The following DNAH3 variants were observed in gnomAD, a reference collection of about 807,000 sequenced individuals.
The protein encoded by DNAH3 is dynein axonemal heavy chain 3.
Under a neutral mutation model 432.5 loss-of-function variants are expected in DNAH3, and 332 were observed. The ratio of observed to expected loss-of-function variants is 0.77; its 90% CI spans 0.70 to 0.84. DNAH3 has a LOEUF of 0.84. Ranked by LOEUF, DNAH3 falls within the 40% of genes least tolerant of loss-of-function variation. DNAH3 has a pLI of 0.00. For synonymous variants in DNAH3, 1,956 were observed against 1,900.2 expected, an observed-to-expected ratio of 1.03 and a Z score of -0.76; for missense variants, 4,861 against 5,114.0, an observed-to-expected ratio of 0.95 and a Z score of 1.51.
chr16:21,116,409 CT>C (rs1230776237), intron 12 of DNAH3, among the ~76,000 whole-genome samples: 2 of 152,026 alleles, frequency 1.3e-5, no homozygotes, highest in African/African-American at 4.8e-5. Context: ...TTATAAGAGG[CT>C]TTTCCCTCCC....
intron 17 of DNAH3, among the ~76,000 whole-genome samples, 178 bp downstream of exon 17, chr16:21,098,438 C>CAAAAAAAA (rs57032212): frequency 1.6e-5 from 1 of 62,880 alleles, no homozygotes; most frequent in African/African-American, 5.0e-5. Flanking sequence ...GACCTTGTCT[C>CAAAAAAAA]AAAAAAAAAA....
intron 27 of DNAH3, among the ~76,000 whole-genome samples, chr16:21,055,528 T>C (rs956035194): frequency 6.6e-6 from 1 of 152,208 alleles, no homozygotes; most frequent in African/African-American, 2.4e-5. Context: ...AAATTCTTTG[T>C]ATTATATCTT....
chr16:20,933,507 C>G, exon 62 of DNAH3: 1 of 1,571,356 alleles, frequency 6.4e-7, no homozygotes. Context: ...TGTGGGGTTA[C>G]CTGGAAGAAT....
rs147448559 is a variant in DNAH3, at chr16:21,135,610, G to A, written c.886+714C>T. Among the ~76,000 whole-genome samples, 19 of 152,112 alleles carry A rather than the reference G, an allele frequency of 1.2e-4. No homozygotes were observed. In the South Asian group the frequency reaches 1.5e-3, roughly 12 times the overall value. ...CAGGAGGCTGAGGCAGGAGAATTGC[G>A]TGAACCCAGGGGTCCGCCCAGGTAG... On this transcript the variant is annotated intron_variant, in intron 6 of 61. Coordinates refer to ENST00000261383, the Ensembl canonical transcript of DNAH3.
chr16:21,012,815 G>GC (rs1324927534), intron 41 of DNAH3, among the ~76,000 whole-genome samples: 1 of 152,100 alleles, frequency 6.6e-6, no homozygotes, highest in Non-Finnish European at 1.5e-5. Flanking sequence ...AGGCTGGAGT[G>GC]CAGTGGGATG....
At chr16:21,034,996 C>T (rs1001019490) in intron 35 of DNAH3, among the ~76,000 whole-genome samples, 10 of 152,178 alleles carry the variant, frequency 6.6e-5, no homozygotes, top group African/African-American at 2.4e-4. Flanking sequence ...GTAGGGTTGA[C>T]ATTCAGGTGG....
chr16:20,945,310 G>A (rs1236656137), intron 57 of DNAH3, among the ~76,000 whole-genome samples: 1 of 152,124 alleles, frequency 6.6e-6, no homozygotes, highest in East Asian at 1.9e-4. Context: ...TCAGGAAGTT[G>A]CCCTATATAG....
chr16:21,065,562 T>C (rs958493537), intron 24 of DNAH3, among the ~76,000 whole-genome samples: 1 of 152,186 alleles, frequency 6.6e-6, no homozygotes, highest in Admixed American at 6.5e-5. Context: ...GCCTTATGTG[T>C]CAAAACCAGG....
chr16:20,944,640 A>G (rs1438399260), exon 58 of DNAH3: 1 of 1,613,910 alleles, frequency 6.2e-7, no homozygotes, highest in Non-Finnish European at 8.5e-7. Context: ...TGATGGGGAG[A>G]TTCCTGAGAT....
Position 21,069,459 on chromosome 16 carries a change from A to G in DNAH3, c.3337T>C (p.Phe1113Leu), listed in dbSNP as rs373539426. Residue 1113 changes from phenylalanine (F) to leucine (L), a missense_variant, in exon 23 of 62, where the codon TTT (phenylalanine) becomes CTT (leucine). Transcript: ENST00000261383. ...TTCCAGTAACTATCAACAATGCCAA[A>G]TTTCCTCCCCTCTTCTGGCATCTGG... is the stretch of plus-strand genomic sequence containing the variant. 6.8e-6 allele frequency: 11 copies of G among 1,613,992 alleles called. No individual in the cohort carries two copies. The African/African-American group carries it at 1.5e-4, about 22-fold the overall frequency.
intron 6 of DNAH3, among the ~76,000 whole-genome samples, chr16:21,135,284 A>C (rs772903054): frequency 6.6e-6 from 1 of 152,202 alleles, no homozygotes; most frequent in Admixed American, 6.5e-5. Flanking sequence ...CCCACCATGG[A>C]TGATACCATC....
At chr16:21,146,222 C>G (rs1297641301) in intron 1 of DNAH3, 134 bp from the exon 3 acceptor site, 2 of 611,698 alleles carry the variant, frequency 3.3e-6, no homozygotes, top group Admixed American at 2.9e-5. Flanking sequence ...AAACACTCCT[C>G]TCATTCCCAT....
chr16:21,000,516 G>A (rs776874745), exon 43 of DNAH3: 9 of 1,598,670 alleles, frequency 5.6e-6, no homozygotes, highest in Non-Finnish European at 7.7e-6. Flanking sequence ...TGAGTTCTGA[G>A]ACCTGTACCA....
At position 21,003,090 on chromosome 16, in the gene DNAH3, G is replaced by A. The variant is rs778772327; in HGVS notation, c.6126+14C>T. On this transcript the variant is annotated intron_variant, in intron 42 of 61. Transcript: ENST00000261383. ...TGGAAACCAAAGTTCCATGGCCAATGATTCTCTTTATACCTTTGCACCAGC... is the reference window on the plus strand; with the variant it reads ...TGGAAACCAAAGTTCCATGGCCAATAATTCTCTTTATACCTTTGCACCAGC... 1 of 1,541,558 alleles carries A rather than the reference G, an allele frequency of 6.5e-7. No homozygotes were observed. The highest frequency in any genetic ancestry group is 9.0e-7 in the Non-Finnish European group (1 of 1,115,694).
chr16:20,937,202 C>T (rs748092228), intron 59 of DNAH3, among the ~76,000 whole-genome samples: 2 of 151,880 alleles, frequency 1.3e-5, no homozygotes, highest in African/African-American at 2.4e-5. Flanking sequence ...GTCATTCAGG[C>T]TGGAGTAAGT....
intron 37 of DNAH3, among the ~76,000 whole-genome samples, chr16:21,029,664 T>C (rs1172546775): frequency 6.6e-6 from 1 of 152,196 alleles, no homozygotes; most frequent in Non-Finnish European, 1.5e-5. Context: ...TGTGGCGCCA[T>C]ACTTACTGTG....
chr16:20,987,073 G>C (rs2064954012), intron 47 of DNAH3, among the ~76,000 whole-genome samples: 1 of 152,134 alleles, frequency 6.6e-6, no homozygotes, highest in Non-Finnish European at 1.5e-5. Context: ...TAAAATGCAT[G>C]TTAAGCCATT....
chr16:21,115,939 A>G (rs7201222), intron 12 of DNAH3, among the ~76,000 whole-genome samples: 42,513 of 151,632 alleles, frequency 0.28, 6,080 homozygotes, highest in African/African-American at 0.33. Context: ...TTTTGGCCAC[A>G]CCTGAAGACA....
Position 21,067,431 on chromosome 16 carries a change from CA to C in DNAH3, c.3382-13del. On this transcript the variant is annotated splice_polypyrimidine_tract_variant and intron_variant, in intron 23 of 61. Coordinates refer to ENST00000261383, the Ensembl canonical transcript of DNAH3. ...CTGTTATCTTTCACCTGGGTTCCAT[CA>C]AAAAAAGTGAGACTCATCATAAGGT... The C allele has an allele frequency of 6.2e-7, 1 of 1,609,434 alleles. No individual in the cohort carries two copies. Among genetic ancestry groups the C allele is most frequent in the Non-Finnish European group, 8.5e-7 (1 of 1,178,698 alleles).
Sources: gnomAD v4.1 joint callset for allele counts (sites outside exome capture counted in the v4.1 genomes callset) on GRCh38, gnomAD v4.1.1 for gene constraint, MANE v1.5 for transcripts, NCBI Gene and HGNC (gene_info 2026-07-23, HGNC 2026-07-21) for gene names.